The following GNAT1 variants were observed in gnomAD, a reference collection of about 807,000 sequenced individuals.
GNAT1 encodes the protein guanine nucleotide-binding protein G(t) subunit alpha-1.
GNAT1 carries 36 observed loss-of-function variants against 40.0 expected under a neutral mutation model. The observed-to-expected ratio is 0.90, with a 90% confidence interval of 0.69 to 1.19. The LOEUF (loss-of-function observed/expected upper bound fraction) is 1.19, where lower values mean the gene tolerates loss of function less well. Ranked by LOEUF, GNAT1 falls within the 50% of genes most tolerant of loss-of-function variation. The probability of loss-of-function intolerance (pLI) is 0.00; values close to 1 mark genes in which losing one functional copy is unlikely to be tolerated. For missense variants in GNAT1, 413 were observed against 480.6 expected (o/e 0.86, Z 1.32); for synonymous variants, 195 against 192.9 (o/e 1.01, Z -0.09).
At position 50,193,529 on chromosome 3, in the gene GNAT1, C is replaced by T. The variant is rs974351418; in HGVS notation, c.315C>T (p.His105=). The T allele has an allele frequency of 1.9e-6, 3 of 1,613,408 alleles. No homozygotes were observed. The highest frequency in any genetic ancestry group is 2.2e-5 in the East Asian group (1 of 44,868). The change falls in exon 4 of 9, where the codon CAC becomes CAT. Residue 105 remains histidine, a synonymous_variant. Coordinates refer to ENST00000232461, the MANE Select transcript of GNAT1 (RefSeq NM_144499.3). This position sits in a 1 kb window ranked among gnomAD's most constrained non-coding sequence, Gnocchi z 8.1. ...AGGACGACGCCCGGAAGCTGATGCA[C>T]ATGGCAGACACTATCGAGGAGGGCA... ...ARQDDARKLM[H]MADTIEEGTM...
At position 50,194,622 on chromosome 3, in the gene GNAT1, C is replaced by G. The variant is rs886058685; in HGVS notation, c.830C>G (p.Ala277Gly). Residue 277 changes from alanine to glycine, a missense_variant, in exon 7 of 9, where the codon GCG (alanine) becomes GGG (glycine). By Grantham distance (60) the Ala-to-Gly change is moderately conservative. Coordinates refer to ENST00000232461, the MANE Select transcript of GNAT1 (RefSeq NM_144499.3). The surrounding 1 kb of genome is among the most constrained non-coding windows in gnomAD (Gnocchi z 6.1). The part of the protein sequence containing the change: ...KDVFFEKIKK[A>G]HLSICFPDYD... ...GTCTTCTTCGAGAAGATCAAGAAGG[C>G]GCACCTCAGCATCTGTTTCCCGGAC... 1 of 1,613,492 alleles carries G rather than the reference C, an allele frequency of 6.2e-7. No homozygotes were observed.
In GNAT1 at chr3:50,193,687, C is replaced by G; in HGVS notation, c.449+24C>G. 1.2e-6 allele frequency: 2 copies of G among 1,601,784 alleles called. No homozygotes were observed. Among genetic ancestry groups the G allele is most frequent in the East Asian group, 2.3e-5 (1 of 44,440 alleles). ...TAGTGAGCGCGCGGGCAGCGCGGGG[C>G]GCGGGGCGCGGGGCGCAGGGGGCCC... is the stretch of plus-strand genomic sequence containing the variant. On this transcript the variant is annotated intron_variant, in intron 4 of 8. Transcript: ENST00000232461. This position sits in a 1 kb window ranked among gnomAD's most constrained non-coding sequence, Gnocchi z 8.1.
rs1226709526 is a variant in GNAT1, at chr3:50,194,213, G to A, written c.700G>A (p.Asp234Asn). Residue 234 changes from aspartate (D) to asparagine (N), a missense_variant, in exon 6 of 9, where the codon GAC (aspartate) becomes AAC (asparagine). Transcript: ENST00000232461. The surrounding 1 kb of genome is among the most constrained non-coding windows in gnomAD (Gnocchi z 6.1). Reference protein sequence around the residue: ...SAYDMVLVEDDEVNRMHESLH... With the variant: ...SAYDMVLVEDNEVNRMHESLH... The stretch of plus-strand genomic sequence containing the variant: ...CTACGACATGGTGCTAGTGGAGGAC[G>A]ACGAAGTGGTGCGTGCCAGGCAGGG... 6.2e-7 allele frequency: 1 copy of A among 1,608,344 alleles called. No homozygotes were observed. Among genetic ancestry groups the A allele is most frequent in the South Asian group, 1.1e-5 (1 of 90,342 alleles).
Position 50,194,133 on chromosome 3 carries a change from G to A in GNAT1, c.620G>A (p.Trp207Ter), listed in dbSNP as rs2109139429. Residue 207 changes from tryptophan (W) to a stop codon, truncating the protein, a stop_gained, in exon 6 of 9, where the codon TGG (tryptophan) becomes TAG (stop). Coordinates refer to ENST00000232461, the MANE Select transcript of GNAT1 (RefSeq NM_144499.3). LOFTEE classifies it high-confidence loss of function. The surrounding 1 kb of genome is among the most constrained non-coding windows in gnomAD (Gnocchi z 6.1). ...VGGQRSERKK[W>*]IHCFEGVTCI... is the part of the protein sequence containing the mutation. ...GGGCAGCGCTCGGAGCGCAAGAAGT[G>A]GATCCACTGCTTCGAGGGCGTGACC... 1 of 1,614,048 alleles carries A rather than the reference G, an allele frequency of 6.2e-7. No individual in the cohort carries two copies. The highest frequency in any genetic ancestry group is 1.1e-5 in the South Asian group (1 of 91,086).
chr3:50,191,755 G>A lies in GNAT1; in HGVS notation c.30G>A (p.Lys10=), dbSNP rs747406154. 6.2e-7 allele frequency: 1 copy of A among 1,613,744 alleles called. No homozygotes were observed. Among genetic ancestry groups the A allele is most frequent in the Non-Finnish European group, 8.5e-7 (1 of 1,179,634 alleles). Reference sequence around the variant, plus strand: ...GGGCTGGGGCCAGTGCTGAGGAGAAGCACTCCAGGGAGCTGGAAAAGAAGC... The same window carrying A: ...GGGCTGGGGCCAGTGCTGAGGAGAAACACTCCAGGGAGCTGGAAAAGAAGC... MGAGASAEE[K]HSRELEKKLK... Residue 10 remains lysine, a synonymous_variant, in exon 1 of 9, where the codon AAG becomes AAA. Coordinates refer to ENST00000232461, the MANE Select transcript of GNAT1 (RefSeq NM_144499.3).
At chr3:50,195,033 G>A in intron 8 of GNAT1, 77 bp downstream of exon 8, 2 of 1,062,636 alleles carry the variant, frequency 1.9e-6, no homozygotes, top group Admixed American at 2.0e-5. Context: ...CCACGGCCCT[G>A]GAGCCTCACC....
Position 50,193,928 on chromosome 3 carries a change from C to T in GNAT1, c.578+47C>T, listed in dbSNP as rs1157292119. The T allele has an allele frequency of 1.9e-6, 3 of 1,611,786 alleles. No individual in the cohort carries two copies. The South Asian group carries it at 3.3e-5, about 18-fold the overall frequency. On this transcript the variant is annotated intron_variant, in intron 5 of 8. Coordinates refer to ENST00000232461, the MANE Select transcript of GNAT1 (RefSeq NM_144499.3). This position sits in a 1 kb window ranked among gnomAD's most constrained non-coding sequence, Gnocchi z 8.1. ...AGGAGGTCACTGCCCCAGGCCCCGTCCTGCCCCGGGGACCCCATCCCTGCG... is the reference window on the plus strand; with the variant it reads ...AGGAGGTCACTGCCCCAGGCCCCGTTCTGCCCCGGGGACCCCATCCCTGCG...
Position 50,193,973 on chromosome 3 carries a change from T to C in GNAT1, c.578+92T>C, listed in dbSNP as rs1197524244. ...CCTGCGATAGACCCTGCCCCTTCCC[T>C]GATACCCCGCCAGCAGAAAGGGTGG... On this transcript the variant is annotated intron_variant, in intron 5 of 8. Coordinates refer to ENST00000232461, the MANE Select transcript of GNAT1 (RefSeq NM_144499.3). The surrounding 1 kb of genome is among the most constrained non-coding windows in gnomAD (Gnocchi z 8.1). The C allele has an allele frequency of 2.5e-6, 4 of 1,599,914 alleles. No individual in the cohort carries two copies. The highest frequency in any genetic ancestry group is 3.4e-6 in the Non-Finnish European group (4 of 1,167,824).
rs1164772384 is a variant in GNAT1 at position 50,193,424 on chromosome 3, C to T, written c.291+18C>T. On this transcript the variant is annotated intron_variant, in intron 3 of 8. Coordinates refer to ENST00000232461, the MANE Select transcript of GNAT1 (RefSeq NM_144499.3). This position sits in a 1 kb window ranked among gnomAD's most constrained non-coding sequence, Gnocchi z 8.1. ...CACGCCAGGTGTGCCAGGAGGCGGG[C>T]TGAGCGGGCCTCTGGGGACTCGAGG... 3 of 1,613,532 alleles carry T rather than the reference C, an allele frequency of 1.9e-6. No individual in the cohort carries two copies. The African/African-American group carries it at 4.0e-5, about 22-fold the overall frequency.
Position 50,194,964 on chromosome 3 carries a change from G to T in GNAT1, c.*1+8G>T, listed in dbSNP as rs761706596. The stretch of plus-strand genomic sequence containing the variant: ...ACTGTGGCCTCTTCTGAGGTAGGTC[G>T]CTGCCCTCTCCAGGCTCTTGCCTCA... On this transcript the variant is annotated splice_region_variant and intron_variant, in intron 8 of 8. Coordinates refer to ENST00000232461, the MANE Select transcript of GNAT1 (RefSeq NM_144499.3). This position sits in a 1 kb window ranked among gnomAD's most constrained non-coding sequence, Gnocchi z 6.1. 1.2e-6 allele frequency: 2 copies of T among 1,602,356 alleles called. No individual in the cohort carries two copies. The highest frequency in any genetic ancestry group is 1.7e-6 in the Non-Finnish European group (2 of 1,171,936).
rs1487245983 is a variant in GNAT1, at chr3:50,195,317, T to C, written c.*51T>C. ...CACCCTGAGACCTGGTAGCCCTAGCTGCCTTGCAGCCCCAAACCCCAGGAC... is the reference window on the plus strand; with the variant it reads ...CACCCTGAGACCTGGTAGCCCTAGCCGCCTTGCAGCCCCAAACCCCAGGAC... On this transcript the variant is annotated 3_prime_UTR_variant, in exon 9 of 9. Transcript: ENST00000232461. The C allele has an allele frequency of 5.5e-6, 2 of 364,522 alleles. No homozygotes were observed. Among genetic ancestry groups the C allele is most frequent in the Non-Finnish European group, 1.1e-5 (2 of 189,532 alleles). The allele number at this position is 364,522 out of a possible 1,614,324, so 22.6% of individuals were successfully genotyped here.
chr3:50,194,307 G>T lies in GNAT1; in HGVS notation c.708+86G>T. ...GCGGAGACCGCGCGCTGGGCTGGGG[G>T]AGGGCACGGGAGGGGATGCCTGTCC... is the stretch of plus-strand genomic sequence containing the variant. On this transcript the variant is annotated intron_variant, in intron 6 of 8. Coordinates refer to ENST00000232461, the MANE Select transcript of GNAT1 (RefSeq NM_144499.3). The surrounding 1 kb of genome is among the most constrained non-coding windows in gnomAD (Gnocchi z 6.1). 6.8e-7 allele frequency: 1 copy of T among 1,476,544 alleles called. No individual in the cohort carries two copies. Among genetic ancestry groups the T allele is most frequent in the Admixed American group, 2.0e-5 (1 of 50,270 alleles). The allele number at this position is 1,476,544 out of a possible 1,614,324, so 91.5% of individuals were successfully genotyped here. A position where few individuals can be genotyped will look rare whatever the true frequency, so the allele number is the denominator to read the frequency against.
intron 8 of GNAT1, 76 bp downstream of exon 8, chr3:50,195,032 T>C: frequency 9.6e-7 from 1 of 1,042,196 alleles, no homozygotes; most frequent in Non-Finnish European, 1.4e-6. Context: ...ACCACGGCCC[T>C]GGAGCCTCAC....
intron 1 of GNAT1, 153 bp from the exon 2 acceptor site, chr3:50,192,980 G>T (rs1011257558): frequency 2.8e-6 from 2 of 709,410 alleles, no homozygotes; most frequent in Non-Finnish European, 4.9e-6. Context: ...AATTTGGATG[G>T]GGGGGTAGGT....
In GNAT1 at chr3:50,193,392, G is replaced by GACTCT. The variant is rs1365955778; in HGVS notation, c.278_282dup (p.Ala95ThrfsTer11). ...GACCACACTCAACATCCAGTACGGA[G>GACTCT]ACTCTGCACGCCAGGTGTGCCAGGA... On this transcript the variant is annotated frameshift_variant, in exon 3 of 9. Coordinates refer to ENST00000232461, the MANE Select transcript of GNAT1 (RefSeq NM_144499.3). LOFTEE classifies it high-confidence loss of function. The surrounding 1 kb of genome is among the most constrained non-coding windows in gnomAD (Gnocchi z 8.1). 1.9e-6 allele frequency: 3 copies of GACTCT among 1,614,066 alleles called. No individual in the cohort carries two copies. In the African/African-American group the frequency reaches 4.0e-5, roughly 22 times the overall value.
chr3:50,191,813 G>C lies in GNAT1; in HGVS notation c.88G>C (p.Val30Leu), dbSNP rs145040990. Residue 30 changes from valine to leucine, a missense_variant, in exon 1 of 9, where the codon GTG becomes CTG. Transcript: ENST00000232461. ...GGACGCTGAGAAGGATGCTCGAACC[G>C]TGAAGCTGCTGCTTCTGGGTAGGGG... ...KEDAEKDART[V>L]KLLLLGAGES... 2.5e-6 allele frequency: 4 copies of C among 1,612,432 alleles called. No individual in the cohort carries two copies. The South Asian group carries it at 4.4e-5, about 18-fold the overall frequency.
rs1699445113 is a variant in GNAT1 at position 50,193,416 on chromosome 3, G to A, written c.291+10G>A. ...AGACTCTGCACGCCAGGTGTGCCAG[G>A]AGGCGGGCTGAGCGGGCCTCTGGGG... On this transcript the variant is annotated intron_variant, in intron 3 of 8. Transcript: ENST00000232461. The surrounding 1 kb of genome is among the most constrained non-coding windows in gnomAD (Gnocchi z 8.1). The A allele has an allele frequency of 6.2e-7, 1 of 1,613,676 alleles. No homozygotes were observed. Among genetic ancestry groups the A allele is most frequent in the Non-Finnish European group, 8.5e-7 (1 of 1,180,002 alleles).
chr3:50,192,455 G>T (rs914954433), intron 1 of GNAT1, among the ~76,000 whole-genome samples: 1 of 152,212 alleles, frequency 6.6e-6, no homozygotes, highest in Admixed American at 6.5e-5. Context: ...CTGCCTCAAG[G>T]TCACTGCCTG....
Position 50,196,640 on chromosome 3 carries a change from G to C in GNAT1, c.*1374G>C, listed in dbSNP as rs541334685. 10 of 152,634 alleles carry C rather than the reference G, an allele frequency of 6.6e-5. No homozygotes were observed. The highest frequency in any genetic ancestry group is 2.4e-4 in the African/African-American group (10 of 41,568). The allele number at this position is 152,634 out of a possible 1,614,324, so 9.5% of individuals were successfully genotyped here. ...CCTCCCAGGAAGAAGTACCTGGCCT[G>C]ACAAGGTGGGGCACTCTTGGGGGTA... On this transcript the variant is annotated 3_prime_UTR_variant, in exon 9 of 9. Coordinates refer to ENST00000232461, the MANE Select transcript of GNAT1 (RefSeq NM_144499.3).
Sources: gnomAD v4.1 joint callset for allele counts (sites outside exome capture counted in the v4.1 genomes callset) on GRCh38, gnomAD v4.1.1 for gene constraint, Gnocchi (gnomAD v3.1) non-coding constraint, MANE v1.5 for transcripts, NCBI Gene and HGNC (gene_info 2026-07-23, HGNC 2026-07-21) for gene names.